SYBU: variants seen among roughly 807,000 people sequenced by gnomAD.
SYBU encodes the protein GOLSYN A protein.
Under a neutral mutation model 35.9 loss-of-function variants are expected in SYBU, and 21 were observed. The observed-to-expected ratio is 0.58, with a 90% CI of 0.41 to 0.84. SYBU has a LOEUF of 0.84. Ranked by LOEUF, SYBU falls within the 40% of genes least tolerant of loss-of-function variation. The probability of loss-of-function intolerance (pLI) is 0.00; values close to 1 mark genes in which losing one functional copy is unlikely to be tolerated. For synonymous variants in SYBU, 319 were observed against 324.3 expected (o/e 0.98, Z 0.18); for missense variants, 768 against 848.2 (o/e 0.91, Z 1.17).
rs1822095524 is a variant in SYBU, at chr8:109,575,226, C to G, written c.1672G>C (p.Glu558Gln). ...PNSAILLSPV[E>Q]TPYANVDAEV... Reference sequence around the variant, plus strand: ...GCATCCACATTGGCGTAGGGGGTCTCCACGGGAGACAAAAGGATGGCTGAG... The same window carrying G: ...GCATCCACATTGGCGTAGGGGGTCTGCACGGGAGACAAAAGGATGGCTGAG... Residue 558 changes from glutamate to glutamine, a missense_variant, in exon 7 of 7, where the codon GAG becomes CAG. Glu to Gln is a conservative substitution (Grantham distance 29). Coordinates refer to ENST00000276646, the MANE Select transcript of SYBU (RefSeq NM_001099754.2). 1 of 1,614,082 alleles carries G rather than the reference C, an allele frequency of 6.2e-7. No homozygotes were observed. Among genetic ancestry groups the G allele is most frequent in the South Asian group, 1.1e-5 (1 of 91,084 alleles).
At chr8:109,649,249 G>T (rs551266292), upstream of SYBU, among the ~76,000 whole-genome samples, 1 of 151,890 alleles carries the variant, frequency 6.6e-6, no homozygotes, top group African/African-American at 2.4e-5. Flanking sequence ...TGATCTGCCC[G>T]CCTCGGCCTC....
rs767191226 is a variant in SYBU at position 109,579,984 on chromosome 8, C to A, written c.549G>T (p.Arg183=). 2.5e-6 allele frequency: 4 copies of A among 1,612,960 alleles called. No homozygotes were observed. The African/African-American group carries it at 5.3e-5, about 22-fold the overall frequency. The change falls in exon 5 of 7, where the codon CGG becomes CGT. Residue 183 remains arginine (R), a synonymous_variant. Transcript: ENST00000276646. ...SSSRNRGPHG[R]SNGASSHKPG... is the part of the protein sequence containing the mutation. ...GCTTGTGTGACGAAGCTCCATTACT[C>A]CGCCCATGAGGACCTCGACTGGGAG...
At position 109,577,999 on chromosome 8, in the gene SYBU, C is replaced by T. The variant is rs141449394; in HGVS notation, c.753G>A (p.Met251Ile). The change falls in exon 6 of 7, where the codon ATG becomes ATA. Residue 251 changes from methionine to isoleucine, a missense_variant. By Grantham distance (10) the Met-to-Ile change is conservative. Transcript: ENST00000276646. ...TGACACCATGATTTTCACCGCAAGA[C>T]ATGTACCTTCCAGAACGCCTGAAAC... ...SPIMRRSGRY[M>I]SCGENHGVRP... is the part of the protein sequence containing the mutation. 2.2e-4 allele frequency: 351 copies of T among 1,611,770 alleles called. 5 individuals are homozygous for T. In the East Asian group the frequency reaches 7.7e-3, roughly 35 times the overall value.
At chr8:109,614,776 T>G (rs2844245) in intron 3 of SYBU, among the ~76,000 whole-genome samples, 46,378 of 152,164 alleles carry the variant, frequency 0.3, 7,954 homozygotes, top group African/African-American at 0.45. Flanking sequence ...TGGACTGTAG[T>G]ACTGTTTTCT....
At chr8:109,642,300 G>T (rs1004571863) in intron 2 of SYBU, among the ~76,000 whole-genome samples, 2 of 146,114 alleles carry the variant, frequency 1.4e-5, no homozygotes, top group African/African-American at 5.6e-5. Context: ...CTGTCAGGGG[G>T]TGGGGGCTAG....
intron 3 of SYBU, among the ~76,000 whole-genome samples, chr8:109,601,116 G>C (rs1204395392): frequency 2.6e-5 from 4 of 152,208 alleles, no homozygotes; most frequent in Admixed American, 2.0e-4. Flanking sequence ...TGCATCGGAT[G>C]ACAGCATCAG....
In SYBU at chr8:109,663,297, ATAGG is replaced by A. The variant is rs879383838; in HGVS notation, c.-129+17410_-129+17413del. On this transcript the variant is annotated intron_variant, in intron 1 of 5. Transcript: ENST00000408889. Reference sequence around the variant, plus strand: ...GATAGATAGATAGATAGATAGATAGATAGGTAGATAGATACCAATAGAATAAAGG... The same window carrying A: ...GATAGATAGATAGATAGATAGATAGATAGATAGATACCAATAGAATAAAGG... Among the ~76,000 whole-genome samples, 234 of 148,600 alleles carry A rather than the reference ATAGG, an allele frequency of 1.6e-3. 2 individuals carry two copies. Among genetic ancestry groups the A allele is most frequent in the African/African-American group, 3.7e-3 (148 of 40,194 alleles).
intron 6 of SYBU, among the ~76,000 whole-genome samples, chr8:109,576,250 G>A (rs993230439): frequency 3.3e-5 from 5 of 152,070 alleles, no homozygotes; most frequent in East Asian, 3.8e-4. Flanking sequence ...TCTCTTTGGC[G>A]GAGATTAGCT....
At chr8:109,647,753 A>C (rs1815856312), upstream of SYBU, 1 of 152,248 alleles carries the variant, frequency 6.6e-6, no homozygotes, top group Non-Finnish European at 1.5e-5. Flanking sequence ...TGTGTGCCTA[A>C]AAAATCCAAC....
rs775472677 is a variant in SYBU at position 109,575,284 on chromosome 8, G to A, written c.1614C>T (p.Ala538=). 3.7e-6 allele frequency: 6 copies of A among 1,614,204 alleles called. No homozygotes were observed. The South Asian group carries it at 5.5e-5, about 15-fold the overall frequency. Residue 538 remains alanine (A), a synonymous_variant, in exon 7 of 7, where the codon GCC becomes GCT. Coordinates refer to ENST00000276646, the MANE Select transcript of SYBU (RefSeq NM_001099754.2). ...SMESFPESLS[A]LVVDLTPRNP... is the part of the protein sequence containing the mutation. ...TTCTTGGAGTTAAATCAACCACTAAGGCAGAGAGGGACTCTGGGAAGCTCT... is the reference window on the plus strand; with the variant it reads ...TTCTTGGAGTTAAATCAACCACTAAAGCAGAGAGGGACTCTGGGAAGCTCT...
At chr8:109,690,611 A>AT (rs1482820884) in intron 1 of SYBU, among the ~76,000 whole-genome samples, 4 of 152,056 alleles carry the variant, frequency 2.6e-5, no homozygotes, top group African/African-American at 4.8e-5. Flanking sequence ...CGATTTTCCG[A>AT]TTTTCCCCAG....
chr8:109,680,164 G>GATCA (rs1327323220), intron 1 of SYBU: 1 of 152,150 alleles, frequency 6.6e-6, no homozygotes, highest in Non-Finnish European at 1.5e-5. Flanking sequence ...AATGTTTCTA[G>GATCA]ATCAAGAGCA....
chr8:109,690,308 T>C (rs1817618197), intron 1 of SYBU, among the ~76,000 whole-genome samples: 1 of 152,224 alleles, frequency 6.6e-6, no homozygotes, highest in South Asian at 2.1e-4. Context: ...GCATAGAGAA[T>C]ACCTGACTCC....
chr8:109,593,198 G>A (rs942262369), intron 3 of SYBU, among the ~76,000 whole-genome samples: 1 of 152,146 alleles, frequency 6.6e-6, no homozygotes, highest in African/African-American at 2.4e-5. Flanking sequence ...ACCATATTAT[G>A]AGGAAGAGAG....
At chr8:109,606,107 T>C (rs564892425) in intron 3 of SYBU, among the ~76,000 whole-genome samples, 80 of 152,340 alleles carry the variant, frequency 5.3e-4, no homozygotes, top group African/African-American at 1.8e-3. Flanking sequence ...TTTCACTTTT[T>C]GTTAGGTACA....
chr8:109,583,544 C>G (rs1313427479), intron 4 of SYBU, among the ~76,000 whole-genome samples: 1 of 152,220 alleles, frequency 6.6e-6, no homozygotes, highest in Non-Finnish European at 1.5e-5. Flanking sequence ...CTGTTCCTCA[C>G]ATGTCCCACT....
At chr8:109,688,990 T>A (rs549574071) in intron 1 of SYBU, among the ~76,000 whole-genome samples, 1 of 152,286 alleles carries the variant, frequency 6.6e-6, no homozygotes, top group South Asian at 2.1e-4. Context: ...AATAAAGTTA[T>A]ATGCAGGTGT....
intron 1 of SYBU, among the ~76,000 whole-genome samples, chr8:109,672,955 G>A (rs1008548025): frequency 1.1e-4 from 16 of 152,236 alleles, no homozygotes; most frequent in African/African-American, 3.9e-4. Flanking sequence ...GCACCACAAA[G>A]CTGTTGTAGC....
intron 1 of SYBU, among the ~76,000 whole-genome samples, chr8:109,678,134 CAAAA>C (rs758399888): frequency 9.3e-5 from 4 of 43,154 alleles, no homozygotes; most frequent in Non-Finnish European, 9.7e-5. Flanking sequence ...AACTCCACCT[CAAAA>C]AAAAAAAAAA....
Sources: gnomAD v4.1 joint callset for allele counts (sites outside exome capture counted in the v4.1 genomes callset) on GRCh38, gnomAD v4.1.1 for gene constraint, MANE v1.5 for transcripts, NCBI Gene and HGNC (gene_info 2026-07-23, HGNC 2026-07-21) for gene names.